OSBPL1A: variants seen among roughly 807,000 people sequenced by gnomAD.
The protein encoded by OSBPL1A is oxysterol-binding protein-related protein 1.
A neutral mutation model predicts 137.1 loss-of-function variants in OSBPL1A; 80 were observed. That is an observed-to-expected ratio of 0.58 (90% CI 0.49 to 0.70). The LOEUF (loss-of-function observed/expected upper bound fraction) is 0.70. OSBPL1A is among the 30% of genes least tolerant of loss of function. The probability of loss-of-function intolerance (pLI) is 0.00; values close to 1 mark genes in which losing one functional copy is unlikely to be tolerated. For synonymous variants in OSBPL1A, 365 were observed against 389.7 expected (o/e 0.94, Z 0.75); for missense variants, 970 against 1,129.4 (o/e 0.86, Z 2.02).
intron 4 of OSBPL1A, among the ~76,000 whole-genome samples, chr18:24,348,085 G>T (rs2091376797): frequency 6.6e-6 from 1 of 152,046 alleles, no homozygotes; most frequent in Non-Finnish European, 1.5e-5. Flanking sequence ...GGGTAAGTTT[G>T]AATCCAATGC....
chr18:24,240,556 C>G lies in OSBPL1A; in HGVS notation c.1282-1174G>C, dbSNP rs549617125. On this transcript the variant is annotated intron_variant, in intron 15 of 27. Transcript: ENST00000319481. The stretch of plus-strand genomic sequence containing the variant: ...TTCTGGAGCCAATGTGCACTATAGA[C>G]AGACAGGAGGCAGAAAAGCAGGGAT... Among the ~76,000 whole-genome samples the G allele has an allele frequency of 3.9e-5, 6 of 152,266 alleles. No individual in the cohort carries two copies. The East Asian group carries it at 1.2e-3, about 29-fold the overall frequency.
At chr18:24,237,254 T>C (rs1204303139) in intron 16 of OSBPL1A, among the ~76,000 whole-genome samples, 2 of 152,196 alleles carry the variant, frequency 1.3e-5, no homozygotes, top group Non-Finnish European at 2.9e-5. Context: ...CACATACTTT[T>C]ATATGGAATT....
At chr18:24,240,477 C>T (rs1483318403) in intron 15 of OSBPL1A, among the ~76,000 whole-genome samples, 1 of 152,078 alleles carries the variant, frequency 6.6e-6, no homozygotes, top group Non-Finnish European at 1.5e-5. Context: ...ACAGTTTTGC[C>T]TATTTTCATA....
At chr18:24,267,900 T>C (rs1702514647) in intron 15 of OSBPL1A, among the ~76,000 whole-genome samples, 1 of 151,708 alleles carries the variant, frequency 6.6e-6, no homozygotes, top group Non-Finnish European at 1.5e-5. Context: ...TCAGCTTCTA[T>C]GCAACATTGT....
chr18:24,245,732 T>G (rs2088860939), intron 15 of OSBPL1A, among the ~76,000 whole-genome samples: 1 of 152,232 alleles, frequency 6.6e-6, no homozygotes, highest in East Asian at 1.9e-4. Context: ...AGTATACTCT[T>G]GCTTTGTTTT....
At chr18:24,373,597 C>CT (rs1366636024) in intron 2 of OSBPL1A, among the ~76,000 whole-genome samples, 4 of 152,194 alleles carry the variant, frequency 2.6e-5, no homozygotes, top group African/African-American at 9.6e-5. Flanking sequence ...ATCAGCCCTT[C>CT]TTTCCCTCAC....
intron 17 of OSBPL1A, among the ~76,000 whole-genome samples, chr18:24,214,009 A>C (rs1233461991): frequency 1.3e-5 from 2 of 152,208 alleles, no homozygotes; most frequent in Admixed American, 6.5e-5. Context: ...AGAAGATGTC[A>C]TTTTAGGCAG....
chr18:24,350,431 G>A (rs979903801), intron 4 of OSBPL1A, among the ~76,000 whole-genome samples: 2 of 152,122 alleles, frequency 1.3e-5, no homozygotes, highest in East Asian at 3.8e-4. Flanking sequence ...GTAAGTCACT[G>A]TATTAGGTTA....
intron 17 of OSBPL1A, among the ~76,000 whole-genome samples, chr18:24,199,748 T>C (rs936637999): frequency 6.6e-6 from 1 of 152,186 alleles, no homozygotes; most frequent in Admixed American, 6.5e-5. Context: ...TGTGTCACAA[T>C]GAATTCTAAA....
intron 25 of OSBPL1A, 22 bp downstream of exon 25, chr18:24,167,306 AC>A (rs1187621366): frequency 2.5e-6 from 4 of 1,597,458 alleles, no homozygotes; most frequent in Admixed American, 3.3e-5. Context: ...CAGTGAGGCC[AC>A]AGCCAGCAAG....
At chr18:24,375,236 G>A (rs1350035221) in intron 2 of OSBPL1A, among the ~76,000 whole-genome samples, 1 of 143,876 alleles carries the variant, frequency 7.0e-6, no homozygotes, top group Non-Finnish European at 1.5e-5. Flanking sequence ...AAAGGCTTGA[G>A]CCCAGAAGTC....
chr18:24,382,780 G>T (rs1906690421), intron 1 of OSBPL1A, among the ~76,000 whole-genome samples: 1 of 152,012 alleles, frequency 6.6e-6, no homozygotes, highest in African/African-American at 2.4e-5. Flanking sequence ...AGAGGCTGAG[G>T]TGGAAGGATC....
intron 14 of OSBPL1A, among the ~76,000 whole-genome samples, chr18:24,293,033 G>A (rs2090205799): frequency 6.8e-6 from 1 of 147,812 alleles, no homozygotes; most frequent in Non-Finnish European, 1.5e-5. Context: ...TTGAACCTGG[G>A]GGCGGAGGTT....
At chr18:24,213,416 A>C (rs1402022185) in intron 17 of OSBPL1A, among the ~76,000 whole-genome samples, 4 of 152,106 alleles carry the variant, frequency 2.6e-5, no homozygotes, top group African/African-American at 9.7e-5. Flanking sequence ...AAAAATATAA[A>C]AAATTAGCCA....
rs371686115 is a variant in OSBPL1A, at chr18:24,172,336, G to C, written c.2201+40C>G. The C allele has an allele frequency of 1.1e-3, 1,572 of 1,458,984 alleles. 2 individuals are homozygous for C. Among genetic ancestry groups the C allele is most frequent in the Admixed American group, 1.3e-3 (77 of 58,486 alleles). The allele number at this position is 1,458,984 out of a possible 1,614,324, so 90.4% of individuals were successfully genotyped here. ...CTGATGTCCACTAAAACTGCTTGAT[G>C]AAAACTGAAGGAATGGACGAAGTAC... On this transcript the variant is annotated intron_variant, in intron 22 of 27. Transcript: ENST00000319481.
intron 15 of OSBPL1A, among the ~76,000 whole-genome samples, chr18:24,280,483 G>A (rs2089934906): frequency 6.6e-6 from 1 of 152,176 alleles, no homozygotes; most frequent in African/African-American, 2.4e-5. Context: ...AGTTTACATA[G>A]ATAAGTATGA....
intron 5 of OSBPL1A, among the ~76,000 whole-genome samples, chr18:24,339,115 G>A (rs565980421): frequency 6.6e-6 from 1 of 152,090 alleles, no homozygotes; most frequent in South Asian, 2.1e-4. Context: ...GGGATTACAG[G>A]TGTCCACTAC....
In OSBPL1A at chr18:24,368,304, C is replaced by T. The variant is rs749003079; in HGVS notation, c.190G>A (p.Val64Ile). The change falls in exon 3 of 28, where the codon GTC becomes ATC. Residue 64 changes from valine to isoleucine, a missense_variant. Val to Ile is a conservative substitution (Grantham distance 29). Transcript: ENST00000319481. ...AAATAGACCTTCAACAGATCCTGGA[C>T]CACTTGTCTGTGTCCAAAATAGCAT... ...LACYFGHRQV[V>I]QDLLKAGAEV... 9.9e-6 allele frequency: 16 copies of T among 1,612,298 alleles called. No individual in the cohort carries two copies. Among genetic ancestry groups the T allele is most frequent in the African/African-American group, 1.3e-5 (1 of 74,884 alleles).
chr18:24,376,530 G>A (rs1042518160), intron 2 of OSBPL1A, among the ~76,000 whole-genome samples: 1 of 152,366 alleles, frequency 6.6e-6, no homozygotes, highest in South Asian at 2.1e-4. Context: ...AGTGGATCCC[G>A]CACTGGGGCT....
Sources: gnomAD v4.1 joint callset for allele counts (sites outside exome capture counted in the v4.1 genomes callset) on GRCh38, gnomAD v4.1.1 for gene constraint, MANE v1.5 for transcripts, NCBI Gene and HGNC (gene_info 2026-07-23, HGNC 2026-07-21) for gene names.